Variants in KIAA1217 observed in about 807,000 individuals in gnomAD.
The protein encoded by KIAA1217 is sickle tail protein homolog.
Under a neutral mutation model 163.9 loss-of-function variants are expected in KIAA1217, and 88 were observed. The ratio of observed to expected loss-of-function variants is 0.54; its 90% confidence interval spans 0.45 to 0.64. The LOEUF (loss-of-function observed/expected upper bound fraction) is 0.64. Among genes scored for constraint, KIAA1217 ranks in the 30% least tolerant of loss-of-function variants. The probability of loss-of-function intolerance (pLI) is 0.00; values close to 1 mark genes in which losing one functional copy is unlikely to be tolerated. For synonymous variants in KIAA1217, 903 were observed against 923.1 expected (o/e 0.98, Z 0.39); for missense variants, 2,372 against 2,475.0 (o/e 0.96, Z 0.88).
chr10:24,029,781 G>T (rs1848117967), intron 2 of KIAA1217, among the ~76,000 whole-genome samples: 1 of 152,128 alleles, frequency 6.6e-6, no homozygotes, highest in African/African-American at 2.4e-5. Context: ...GCGTAGAGTG[G>T]TTGTTTGCAT....
intron 1 of KIAA1217, among the ~76,000 whole-genome samples, chr10:23,882,724 G>C (rs1841004735): frequency 6.6e-6 from 1 of 151,904 alleles, no homozygotes; most frequent in South Asian, 2.1e-4. Flanking sequence ...TGTTTCTCAT[G>C]CTAAATATTA....
chr10:24,336,302 C>G (rs1275770649), intron 2 of KIAA1217, among the ~76,000 whole-genome samples: 1 of 152,178 alleles, frequency 6.6e-6, no homozygotes, highest in Non-Finnish European at 1.5e-5. Context: ...GGAGATTTCT[C>G]TAGCAAGAAA....
At chr10:24,296,577 A>G (rs1267005486) in intron 2 of KIAA1217, among the ~76,000 whole-genome samples, 2 of 152,222 alleles carry the variant, frequency 1.3e-5, no homozygotes, top group Non-Finnish European at 2.9e-5. Flanking sequence ...TCATTGACTT[A>G]GAGGGAGGTT....
chr10:24,136,733 A>G (rs563938946), intron 2 of KIAA1217, among the ~76,000 whole-genome samples: 4 of 152,226 alleles, frequency 2.6e-5, no homozygotes, highest in Non-Finnish European at 5.9e-5. Flanking sequence ...TCCATCTCCA[A>G]TAACAACATA....
intron 1 of KIAA1217, among the ~76,000 whole-genome samples, chr10:23,895,369 C>A (rs1841630691): frequency 6.6e-6 from 1 of 152,002 alleles, no homozygotes. Flanking sequence ...GACATTTATG[C>A]AGCTAAAAAA....
chr10:24,500,662 G>T (rs1013819238), intron 8 of KIAA1217, among the ~76,000 whole-genome samples: 1 of 152,148 alleles, frequency 6.6e-6, no homozygotes, highest in South Asian at 2.1e-4. Flanking sequence ...GAAATAAGTT[G>T]CATGTCCTTA....
At position 24,089,700 on chromosome 10, in the gene KIAA1217, C is replaced by A. The variant is rs1418869036; in HGVS notation, c.-171+82326C>A. 2.6e-5 allele frequency among the ~76,000 whole-genome samples: 4 copies of A among 151,850 alleles called. No individual in the cohort carries two copies. The East Asian group carries it at 7.7e-4, about 29-fold the overall frequency. The stretch of plus-strand genomic sequence containing the variant: ...ACCATGCTGTTTTGGTTACTGTAGC[C>A]TTGTAGTATAGTTTGAAGTCAGGTA... On this transcript the variant is annotated intron_variant, in intron 2 of 18. Transcript: ENST00000376462.
At chr10:24,369,105 T>A (rs16924656) in intron 2 of KIAA1217, among the ~76,000 whole-genome samples, 1 of 151,828 alleles carries the variant, frequency 6.6e-6, no homozygotes, top group Non-Finnish European at 1.5e-5. Flanking sequence ...CTTCAAACAC[T>A]GGTATACTTT....
intron 1 of KIAA1217, among the ~76,000 whole-genome samples, chr10:23,858,597 A>G (rs1309109134): frequency 6.6e-6 from 1 of 152,066 alleles, no homozygotes; most frequent in African/African-American, 2.4e-5. Context: ...TCTGACTCTG[A>G]ATATCATAAA....
At chr10:23,982,444 A>G (rs1845805029) in intron 1 of KIAA1217, among the ~76,000 whole-genome samples, 1 of 151,984 alleles carries the variant, frequency 6.6e-6, no homozygotes. Context: ...ACCCAAAGCC[A>G]GTGTGAGATT....
At chr10:23,921,007 T>C (rs1341174060) in intron 1 of KIAA1217, among the ~76,000 whole-genome samples, 1 of 152,238 alleles carries the variant, frequency 6.6e-6, no homozygotes, top group Admixed American at 6.5e-5. Flanking sequence ...CTGCCATGAT[T>C]GTGAAGCCTC....
At chr10:24,494,705 C>A in intron 7 of KIAA1217, 101 bp downstream of exon 7, 1 of 881,980 alleles carries the variant, frequency 1.1e-6, no homozygotes, top group Non-Finnish European at 1.7e-6. Flanking sequence ...GTAATCATTT[C>A]AAGGCTGAAA....
intron 2 of KIAA1217, among the ~76,000 whole-genome samples, chr10:24,019,324 A>G (rs1459642072): frequency 3.9e-5 from 6 of 152,088 alleles, no homozygotes; most frequent in Non-Finnish European, 8.8e-5. Context: ...ACAATTTGGC[A>G]TTTGTCAATT....
At chr10:23,920,308 TTTTGC>T (rs1842806558) in intron 1 of KIAA1217, among the ~76,000 whole-genome samples, 1 of 152,186 alleles carries the variant, frequency 6.6e-6, no homozygotes, top group South Asian at 2.1e-4. Flanking sequence ...CATCGGACAC[TTTTGC>T]TTTAGTCTCT....
At chr10:24,300,437 C>T (rs966898041) in intron 2 of KIAA1217, among the ~76,000 whole-genome samples, 2 of 150,166 alleles carry the variant, frequency 1.3e-5, no homozygotes, top group African/African-American at 5.0e-5. Flanking sequence ...CTGTTCTTGT[C>T]TTTGGCAGGA....
intron 1 of KIAA1217, among the ~76,000 whole-genome samples, chr10:23,724,615 C>T (rs1588667284): frequency 6.6e-6 from 1 of 152,124 alleles, no homozygotes; most frequent in Non-Finnish European, 1.5e-5. Flanking sequence ...AGCAGAGTCT[C>T]TCAAATTTTA....
chr10:23,789,988 T>TACATATACACATATGCACATAC (rs1835678403), intron 1 of KIAA1217, among the ~76,000 whole-genome samples: 3 of 95,280 alleles, frequency 3.1e-5, no homozygotes, highest in South Asian at 2.9e-4. Context: ...TATACACATA[T>TACATATACACATATGCACATAC]ACATATACAC....
At chr10:24,138,207 G>C (rs577826975) in intron 2 of KIAA1217, among the ~76,000 whole-genome samples, 1 of 152,154 alleles carries the variant, frequency 6.6e-6, no homozygotes, top group African/African-American at 2.4e-5. Context: ...AGGCTGGAGT[G>C]CCATGGTGCA....
In KIAA1217 at chr10:24,214,632, G is replaced by A. The variant is rs764132279; in HGVS notation, c.71-4994G>A. ...TGTGCAGCAGAAGAGCGTTCTGGTC[G>A]AACACATAGGGCTGTCTCTGCCACG... On this transcript the variant is annotated intron_variant, in intron 1 of 20. Transcript: ENST00000376454. Among the ~76,000 whole-genome samples the A allele has an allele frequency of 5.9e-5, 9 of 152,236 alleles. No individual in the cohort carries two copies. The East Asian group carries it at 1.7e-3, about 29-fold the overall frequency.
Sources: gnomAD v4.1 joint callset for allele counts (sites outside exome capture counted in the v4.1 genomes callset) on GRCh38, gnomAD v4.1.1 for gene constraint, MANE v1.5 for transcripts, NCBI Gene and HGNC (gene_info 2026-07-23, HGNC 2026-07-21) for gene names.